The following MRGPRX3 variants were observed in gnomAD, a reference collection of about 807,000 sequenced individuals.
The protein encoded by MRGPRX3 is mas-related G protein-coupled receptor member X3.
Under a neutral mutation model 16.5 loss-of-function variants are expected in MRGPRX3, and 14 were observed. The observed-to-expected ratio is 0.85, with a 90% CI of 0.56 to 1.33. MRGPRX3 has a LOEUF of 1.33. MRGPRX3 is among the 40% of genes most tolerant of loss of function. The probability of loss-of-function intolerance (pLI) is 0.00; values close to 1 mark genes in which losing one functional copy is unlikely to be tolerated. For synonymous variants in MRGPRX3, 199 were observed against 180.1 expected (o/e 1.10, Z -0.84); for missense variants, 449 against 413.0 (o/e 1.09, Z -0.76).
upstream of MRGPRX3, among the ~76,000 whole-genome samples, chr11:18,128,771 C>T (rs566302334): frequency 3.3e-5 from 5 of 152,342 alleles, no homozygotes; most frequent in African/African-American, 9.6e-5. Context: ...ACTTGGTGCG[C>T]TGCACCCACT....
chr11:18,124,967 T>C (rs963855026), intron 1 of MRGPRX3, among the ~76,000 whole-genome samples: 3 of 152,258 alleles, frequency 2.0e-5, no homozygotes, highest in Non-Finnish European at 4.4e-5. Flanking sequence ...TTTTCTAGTT[T>C]ATTTGCATAG....
intron 1 of MRGPRX3, among the ~76,000 whole-genome samples, chr11:18,134,131 A>C (rs545314429): frequency 7.7e-4 from 118 of 152,322 alleles, no homozygotes; most frequent in African/African-American, 2.8e-3. Flanking sequence ...TGTCACTTTT[A>C]TGCAGAAATG....
chr11:18,134,987 T>C lies in MRGPRX3; in HGVS notation c.-25-2191T>C, dbSNP rs370042697. Reference sequence around the variant, plus strand: ...AGTCTCTTCAGCCCCTGACTGTCTCTGATTCTGTGCTCACATCAAGATTTT... The same window carrying C: ...AGTCTCTTCAGCCCCTGACTGTCTCCGATTCTGTGCTCACATCAAGATTTT... On this transcript the variant is annotated intron_variant, in intron 1 of 1. Transcript: ENST00000621697. Among the ~76,000 whole-genome samples the C allele has an allele frequency of 2.6e-5, 4 of 152,206 alleles. No individual in the cohort carries two copies. In the East Asian group the frequency reaches 7.7e-4, roughly 29 times the overall value.
intron 1 of MRGPRX3, among the ~76,000 whole-genome samples, chr11:18,135,899 C>A (rs1324142590): frequency 6.6e-6 from 1 of 152,162 alleles, no homozygotes; most frequent in Non-Finnish European, 1.5e-5. Flanking sequence ...ATTTCATTAT[C>A]TGCAATACAG....
chr11:18,122,398 T>C (rs1450434627), intron 1 of MRGPRX3, among the ~76,000 whole-genome samples: 2 of 152,218 alleles, frequency 1.3e-5, no homozygotes, highest in African/African-American at 4.8e-5. Context: ...CCAAGTGTTC[T>C]CATTGTTCAA....
chr11:18,137,104 A>T, intron 1 of MRGPRX3, 74 bp from the exon 2 acceptor site: 1 of 1,425,246 alleles, frequency 7.0e-7, no homozygotes, highest in Non-Finnish European at 9.5e-7. Flanking sequence ...GAGGACAGTA[A>T]ATCCCACATG....
At chr11:18,123,266 C>T (rs1014408608) in intron 1 of MRGPRX3, among the ~76,000 whole-genome samples, 2 of 151,962 alleles carry the variant, frequency 1.3e-5, no homozygotes, top group African/African-American at 4.8e-5. Context: ...CTTGCCCATG[C>T]CTATGTCCCG....
rs1848878823 is a variant in MRGPRX3, at chr11:18,125,066, G to C, written c.-152+3902G>C. Among the ~76,000 whole-genome samples, 4 of 127,228 alleles carry C rather than the reference G, an allele frequency of 3.1e-5. No individual in the cohort carries two copies. The Admixed American group carries it at 3.8e-4, about 12-fold the overall frequency. The allele number at this position is 127,228 out of a possible 152,430, so 83.5% of individuals were successfully genotyped here. On this transcript the variant is annotated intron_variant, in intron 1 of 2. Transcript: ENST00000396275. ...TTATCATTTTTTATTGCATCTATTT[G>C]ATTCTTCTCTCTTTTCTTCTTTATT...
chr11:18,137,333 G>A lies in MRGPRX3; in HGVS notation c.131G>A (p.Gly44Glu), dbSNP rs767275487. The A allele has an allele frequency of 1.2e-6, 2 of 1,614,190 alleles. No individual in the cohort carries two copies. The highest frequency in any genetic ancestry group is 1.7e-6 in the Non-Finnish European group (2 of 1,180,032). The change falls in exon 2 of 2, where the codon GGA (glycine) becomes GAA (glutamate). Residue 44 changes from glycine (G) to glutamate (E), a missense_variant. Transcript: ENST00000621697. ...ATCGTTTCCCTTGTCGCGCTGACAG[G>A]AAACGCGGTTGTGCTCTGGCTCCTG... is the stretch of plus-strand genomic sequence containing the variant. ...TCIVSLVALT[G>E]NAVVLWLLGC...
rs1165301043 is a variant in MRGPRX3 at position 18,132,736 on chromosome 11, A to G, written c.-29A>G. ...CACCACTGGACAAAGAAGGAACGAT[A>G]AGGGTAAGTACCAAGAACTCTCTTC... On this transcript the variant is annotated 5_prime_UTR_variant, in exon 1 of 2. The change creates a new upstream start codon in the 5' untranslated region. Transcript: ENST00000621697. 1 of 152,254 alleles carries G rather than the reference A, an allele frequency of 6.6e-6. No individual in the cohort carries two copies. The highest frequency in any genetic ancestry group is 1.5e-5 in the Non-Finnish European group (1 of 68,046). 9.4% of individuals were successfully genotyped at this position (152,254 alleles called of 1,614,324 possible).
chr11:18,133,841 T>TTTC (rs1848983992), intron 1 of MRGPRX3, among the ~76,000 whole-genome samples: 2 of 152,222 alleles, frequency 1.3e-5, no homozygotes, highest in South Asian at 4.1e-4. Flanking sequence ...CCCAAGGTGC[T>TTTC]TTCCTGCTGT....
chr11:18,126,074 C>CCTAT (rs1246064897), intron 1 of MRGPRX3, among the ~76,000 whole-genome samples: 1 of 152,128 alleles, frequency 6.6e-6, no homozygotes, highest in African/African-American at 2.4e-5. Context: ...TTATTTTGAG[C>CCTAT]CTATCTGTGT....
At chr11:18,132,305 C>T (rs569473399), upstream of MRGPRX3, among the ~76,000 whole-genome samples, 4 of 152,196 alleles carry the variant, frequency 2.6e-5, no homozygotes, top group Non-Finnish European at 4.4e-5. Context: ...TTGAATGGTC[C>T]CATGATCTAC....
Position 18,138,452 on chromosome 11 carries a change from A to C in MRGPRX3, c.*281A>C. ...ACTGAACACTTTTTCTGCACTTTTCATTGTAATAAAAGGAGTTGCTGTCCA... is the reference window on the plus strand; with the variant it reads ...ACTGAACACTTTTTCTGCACTTTTCCTTGTAATAAAAGGAGTTGCTGTCCA... On this transcript the variant is annotated 3_prime_UTR_variant, in exon 2 of 2. Coordinates refer to ENST00000621697, the MANE Select transcript of MRGPRX3 (RefSeq NM_001370464.1). The C allele has an allele frequency of 2.7e-6, 1 of 369,316 alleles. No individual in the cohort carries two copies. The highest frequency in any genetic ancestry group is 5.0e-6 in the Non-Finnish European group (1 of 201,448). The allele number at this position is 369,316 out of a possible 1,614,324, so 22.9% of individuals were successfully genotyped here.
At chr11:18,122,856 C>T (rs1403607315) in intron 1 of MRGPRX3, among the ~76,000 whole-genome samples, 1 of 152,118 alleles carries the variant, frequency 6.6e-6, no homozygotes, top group Non-Finnish European at 1.5e-5. Flanking sequence ...CTGTTGTTTC[C>T]TGACTTTTTA....
intron 1 of MRGPRX3, among the ~76,000 whole-genome samples, chr11:18,123,564 A>G (rs1249631784): frequency 3.3e-5 from 5 of 152,180 alleles, no homozygotes; most frequent in African/African-American, 1.2e-4. Flanking sequence ...TTTTGGTACC[A>G]GTACCATGCT....
chr11:18,132,964 TC>T (rs1590306457), intron 1 of MRGPRX3, among the ~76,000 whole-genome samples: 2 of 152,186 alleles, frequency 1.3e-5, no homozygotes, highest in East Asian at 3.9e-4. Flanking sequence ...ATCACCTCCT[TC>T]ATTCCAATCA....
chr11:18,137,321 T>C lies in MRGPRX3; in HGVS notation c.119T>C (p.Val40Ala), dbSNP rs747539176. 6 of 1,614,166 alleles carry C rather than the reference T, an allele frequency of 3.7e-6. No homozygotes were observed. In the South Asian group the frequency reaches 5.5e-5, roughly 15 times the overall value. ...FTGLTCIVSLVALTGNAVVLW... is the reference protein window; with the variant it reads ...FTGLTCIVSLAALTGNAVVLW... ...GGGCTGACGTGCATCGTTTCCCTTG[T>C]CGCGCTGACAGGAAACGCGGTTGTG... Residue 40 changes from valine to alanine, a missense_variant, in exon 2 of 2, where the codon GTC becomes GCC. Coordinates refer to ENST00000621697, the MANE Select transcript of MRGPRX3 (RefSeq NM_001370464.1).
chr11:18,136,943 T>G (rs1849012232), intron 1 of MRGPRX3, among the ~76,000 whole-genome samples: 1 of 152,166 alleles, frequency 6.6e-6, no homozygotes, highest in African/African-American at 2.4e-5. Flanking sequence ...GATCCTAATG[T>G]TATCCCCATG....
Sources: gnomAD v4.1 joint callset for allele counts (sites outside exome capture counted in the v4.1 genomes callset) on GRCh38, gnomAD v4.1.1 for gene constraint, MANE v1.5 for transcripts, NCBI Gene and HGNC (gene_info 2026-07-23, HGNC 2026-07-21) for gene names.